The following RNF212 variants were observed in gnomAD, a reference collection of about 807,000 sequenced individuals.
RNF212 encodes the protein ring finger protein 212.
In RNF212, 33 loss-of-function variants were observed where a neutral mutation model predicts 34.7. The ratio of observed to expected loss-of-function variants is 0.95; its 90% CI spans 0.72 to 1.27. The LOEUF (loss-of-function observed/expected upper bound fraction) is 1.27, where lower values mean the gene tolerates loss of function less well. Ranked by LOEUF, RNF212 falls within the 50% of genes most tolerant of loss-of-function variation. The probability of loss-of-function intolerance (pLI) is 0.00; values close to 1 mark genes in which losing one functional copy is unlikely to be tolerated. For synonymous variants in RNF212, 140 were observed against 136.1 expected, an observed-to-expected ratio of 1.03 and a Z score of -0.20; for missense variants, 377 against 362.2, an observed-to-expected ratio of 1.04 and a Z score of -0.33.
At chr4:1,112,497 A>G (rs963822548) in intron 1 of RNF212, among the ~76,000 whole-genome samples, 7 of 152,176 alleles carry the variant, frequency 4.6e-5, no homozygotes, top group Admixed American at 3.3e-4. Flanking sequence ...TCACAGAAAG[A>G]AAAACGCCTC....
At chr4:1,103,188 T>C (rs1289272349) in intron 2 of RNF212, among the ~76,000 whole-genome samples, 1 of 152,156 alleles carries the variant, frequency 6.6e-6, no homozygotes, top group East Asian at 1.9e-4. Context: ...TTTACTTAAA[T>C]TGACTCAAGG....
At chr4:1,089,797 C>T (rs674347) in intron 4 of RNF212, among the ~76,000 whole-genome samples, 28,132 of 152,118 alleles carry the variant, frequency 0.18, 4,231 homozygotes, top group African/African-American at 0.42. Context: ...TCCCCCTGCC[C>T]TCTCTCCTGC....
chr4:1,057,580 G>A (rs1442109656), intron 4 of RNF212, among the ~76,000 whole-genome samples: 3 of 152,066 alleles, frequency 2.0e-5, no homozygotes, highest in African/African-American at 4.8e-5. Context: ...TGCCTGCCCC[G>A]GCCTTCTCAA....
chr4:1,095,926 C>A (rs1482718564), intron 3 of RNF212, among the ~76,000 whole-genome samples: 1 of 80,648 alleles, frequency 1.2e-5, no homozygotes, highest in Non-Finnish European at 2.3e-5. Context: ...AAGCACACCT[C>A]CCACAGCTCC....
intron 8 of RNF212, chr4:1,073,887 C>T (rs1175553836): frequency 7.3e-6 from 4 of 551,544 alleles, no homozygotes; most frequent in Admixed American, 5.9e-5. Flanking sequence ...CTGTTTGATT[C>T]CCTCTGTTCC....
At chr4:1,094,570 C>A (rs1205837965) in intron 3 of RNF212, among the ~76,000 whole-genome samples, 1 of 152,102 alleles carries the variant, frequency 6.6e-6, no homozygotes, top group East Asian at 1.9e-4. Context: ...AGGGGCTCAG[C>A]TGCCAGGATG....
rs1031965358 is a variant in RNF212, at chr4:1,073,303, A to C, written c.575-110T>G. The C allele has an allele frequency of 2.1e-6, 3 of 1,420,222 alleles. No individual in the cohort carries two copies. In the African/African-American group the frequency reaches 4.4e-5, roughly 21 times the overall value. 88.0% of individuals were successfully genotyped at this position (1,420,222 alleles called of 1,614,324 possible). ...CACTTTGAAAAGGGACCAGCAATTCAAAGCCAATTACCAGGAAGCAAACCC... is the reference window on the plus strand; with the variant it reads ...CACTTTGAAAAGGGACCAGCAATTCCAAGCCAATTACCAGGAAGCAAACCC... On this transcript the variant is annotated intron_variant, in intron 9 of 9. Coordinates refer to ENST00000433731, the MANE Select transcript of RNF212 (RefSeq NM_001131034.4).
chr4:1,063,400 G>A (rs1422596071), intron 3 of RNF212, among the ~76,000 whole-genome samples: 2 of 152,190 alleles, frequency 1.3e-5, no homozygotes, highest in Non-Finnish European at 2.9e-5. Flanking sequence ...ACGATTAACA[G>A]CTGACTTCTC....
chr4:1,061,366 A>G (rs554148244), intron 3 of RNF212, among the ~76,000 whole-genome samples: 21 of 152,284 alleles, frequency 1.4e-4, no homozygotes, highest in African/African-American at 4.1e-4. Flanking sequence ...CAGGACCTGG[A>G]GAGGCCCACA....
chr4:1,063,547 C>T (rs1197126324), intron 3 of RNF212, among the ~76,000 whole-genome samples: 1 of 151,900 alleles, frequency 6.6e-6, no homozygotes, highest in Non-Finnish European at 1.5e-5. Flanking sequence ...CCCATCTCTA[C>T]AAAACTAGCC....
intron 8 of RNF212, among the ~76,000 whole-genome samples, chr4:1,077,025 C>T (rs769513962): frequency 2.0e-5 from 3 of 152,124 alleles, no homozygotes; most frequent in Non-Finnish European, 4.4e-5. Flanking sequence ...GTCAGGAGTT[C>T]GAGACCAGCC....
At chr4:1,095,944 C>T (rs1577767936) in intron 3 of RNF212, among the ~76,000 whole-genome samples, 1 of 78,264 alleles carries the variant, frequency 1.3e-5, no homozygotes. Context: ...TCCATGGTCT[C>T]GGGATAGCGC....
At chr4:1,087,941 C>A (rs1373799364) in intron 4 of RNF212, among the ~76,000 whole-genome samples, 3 of 152,118 alleles carry the variant, frequency 2.0e-5, no homozygotes, top group Admixed American at 1.3e-4. Flanking sequence ...GTCAATTAAA[C>A]CCCTTTCCTT....
At chr4:1,082,207 T>A (rs1170089400) in intron 5 of RNF212, among the ~76,000 whole-genome samples, 1 of 152,096 alleles carries the variant, frequency 6.6e-6, no homozygotes, top group Non-Finnish European at 1.5e-5. Flanking sequence ...TATGGACAAG[T>A]TACTTGGTCA....
intron 8 of RNF212, among the ~76,000 whole-genome samples, chr4:1,077,414 T>G (rs571426595): frequency 2.6e-5 from 4 of 152,284 alleles, no homozygotes; most frequent in African/African-American, 9.6e-5. Flanking sequence ...TTTCTTTTTT[T>G]TAGAGACAGG....
At chr4:1,111,091 T>C (rs1725587559) in intron 1 of RNF212, among the ~76,000 whole-genome samples, 1 of 152,158 alleles carries the variant, frequency 6.6e-6, no homozygotes, top group Non-Finnish European at 1.5e-5. Context: ...TCGGGGAACA[T>C]TATCTTGGGT....
rs1053476707 is a variant in RNF212, at chr4:1,058,419, G to A, written n.148-26C>T. ...CTGTGGTGGAACAAGAATAAAACAT[G>A]AGTCGTTCATGTTAACACATCACGG... On this transcript the variant is annotated intron_variant and non_coding_transcript_variant, in intron 3 of 4. Transcript: ENST00000503206. 1.8e-5 allele frequency: 17 copies of A among 933,106 alleles called. 3 individuals are homozygous for A. The highest frequency in any genetic ancestry group is 1.9e-5 in the Non-Finnish European group (15 of 780,394). The allele number at this position is 933,106 out of a possible 1,614,324, so 57.8% of individuals were successfully genotyped here.
At chr4:1,068,193 GC>G (rs1488102079), downstream of RNF212, among the ~76,000 whole-genome samples, 1 of 152,212 alleles carries the variant, frequency 6.6e-6, no homozygotes, top group African/African-American at 2.4e-5. Context: ...AGAGGGCTAT[GC>G]CGTCTAATTC....
chr4:1,061,970 A>C (rs1267711908), intron 3 of RNF212, among the ~76,000 whole-genome samples: 3 of 152,236 alleles, frequency 2.0e-5, no homozygotes, highest in African/African-American at 4.8e-5. Flanking sequence ...TGTGCGGCCC[A>C]GATCGCATTT....
Sources: gnomAD v4.1 joint callset for allele counts (sites outside exome capture counted in the v4.1 genomes callset) on GRCh38, gnomAD v4.1.1 for gene constraint, MANE v1.5 for transcripts, NCBI Gene and HGNC (gene_info 2026-07-23, HGNC 2026-07-21) for gene names.